ZHX2: variants seen among roughly 807,000 people sequenced by gnomAD.
ZHX2 encodes the protein zinc fingers and homeoboxes protein 2.
Under a neutral mutation model 21.9 loss-of-function variants are expected in ZHX2, and 6 were observed. The ratio of observed to expected loss-of-function variants is 0.27; its 90% CI spans 0.15 to 0.54. The LOEUF (loss-of-function observed/expected upper bound fraction) is 0.54. Ranked by LOEUF, ZHX2 falls within the 20% of genes least tolerant of loss-of-function variation. The probability of loss-of-function intolerance (pLI) is 0.95; values close to 1 mark genes in which losing one functional copy is unlikely to be tolerated. For missense variants in ZHX2, 908 were observed against 1,090.7 expected (o/e 0.83, Z 2.36); for synonymous variants, 434 against 437.1 (o/e 0.99, Z 0.09).
intron 1 of ZHX2, 29 bp from the exon 2 acceptor site, chr8:122,863,448 T>G (rs1305541098): frequency 6.5e-6 from 1 of 152,694 alleles, no homozygotes; most frequent in African/African-American, 2.4e-5. Context: ...TCTGCCCTGC[T>G]TTTGATACTG....
intron 2 of ZHX2, among the ~76,000 whole-genome samples, chr8:122,908,621 C>T (rs1274150218): frequency 2.0e-5 from 3 of 152,098 alleles, no homozygotes; most frequent in Admixed American, 2.0e-4. Flanking sequence ...CTTGTTATCA[C>T]TGTCTCCCCT....
chr8:122,884,993 G>T (rs1819806151), intron 2 of ZHX2, among the ~76,000 whole-genome samples: 1 of 152,216 alleles, frequency 6.6e-6, no homozygotes, highest in African/African-American at 2.4e-5. Context: ...CTGGGTCAGT[G>T]TAAAAAGATG....
chr8:122,923,221 G>A (rs1238851322), intron 2 of ZHX2, among the ~76,000 whole-genome samples: 1 of 152,236 alleles, frequency 6.6e-6, no homozygotes, highest in African/African-American at 2.4e-5. Flanking sequence ...TCACAGTTCT[G>A]TGAGTGAGAA....
chr8:122,800,828 A>G (rs2130570809), intron 1 of ZHX2, among the ~76,000 whole-genome samples: 1 of 152,352 alleles, frequency 6.6e-6, no homozygotes, highest in East Asian at 1.9e-4. Flanking sequence ...TCCTCTTTCA[A>G]AACCATGTGG....
chr8:122,799,368 C>T (rs1016811976), intron 1 of ZHX2, among the ~76,000 whole-genome samples: 1 of 151,760 alleles, frequency 6.6e-6, no homozygotes, highest in South Asian at 2.1e-4. Flanking sequence ...CCTGGGCTAA[C>T]ACCCTTTGTT....
intron 1 of ZHX2, among the ~76,000 whole-genome samples, chr8:122,815,244 A>G (rs533346449): frequency 3.3e-5 from 5 of 152,372 alleles, no homozygotes; most frequent in Non-Finnish European, 5.9e-5. Context: ...GTTAGGTACA[A>G]TAGGCACAGT....
At chr8:122,922,203 C>T (rs536946008) in intron 2 of ZHX2, among the ~76,000 whole-genome samples, 9 of 150,572 alleles carry the variant, frequency 6.0e-5, no homozygotes, top group Admixed American at 6.6e-5. Context: ...TCTTAGACTT[C>T]TCCCAGCAAA....
At chr8:122,875,762 G>C (rs1385075350) in intron 2 of ZHX2, among the ~76,000 whole-genome samples, 2 of 152,244 alleles carry the variant, frequency 1.3e-5, no homozygotes, top group African/African-American at 4.8e-5. Context: ...AGTGAGATGG[G>C]ACAGAACCAG....
intron 1 of ZHX2, among the ~76,000 whole-genome samples, chr8:122,857,055 C>T (rs999890794): frequency 1.3e-5 from 2 of 152,170 alleles, no homozygotes; most frequent in African/African-American, 4.8e-5. Flanking sequence ...ACATGCCCTT[C>T]GCCGCTCATT....
intron 1 of ZHX2, among the ~76,000 whole-genome samples, chr8:122,788,031 T>G (rs1384639440): frequency 6.6e-6 from 1 of 152,106 alleles, no homozygotes; most frequent in African/African-American, 2.4e-5. Flanking sequence ...TCACTCTGGC[T>G]GGTGAAACTG....
At chr8:122,962,390 C>T (rs1276980870) in intron 3 of ZHX2, among the ~76,000 whole-genome samples, 2 of 152,206 alleles carry the variant, frequency 1.3e-5, no homozygotes. Context: ...GTTTTCCATT[C>T]CTGAGTTACT....
intron 1 of ZHX2, among the ~76,000 whole-genome samples, chr8:122,827,193 G>T (rs1311632948): frequency 6.6e-6 from 1 of 151,804 alleles, no homozygotes; most frequent in Admixed American, 6.6e-5. Context: ...CTAATTTTGG[G>T]GATTTATTTG....
chr8:122,873,651 A>G (rs1351590856), intron 2 of ZHX2, among the ~76,000 whole-genome samples: 2 of 152,198 alleles, frequency 1.3e-5, no homozygotes, highest in Non-Finnish European at 2.9e-5. Context: ...TGGCTGCTAT[A>G]ACATATTCCC....
intron 3 of ZHX2, among the ~76,000 whole-genome samples, chr8:122,955,073 G>A (rs1232958041): frequency 7.0e-6 from 1 of 142,790 alleles, no homozygotes; most frequent in African/African-American, 2.6e-5. Context: ...ATAAGCCGGG[G>A]GGGGGGGGGT....
At chr8:122,827,361 C>G (rs144813037) in intron 1 of ZHX2, among the ~76,000 whole-genome samples, 15 of 151,896 alleles carry the variant, frequency 9.9e-5, no homozygotes, top group Non-Finnish European at 1.5e-4. Flanking sequence ...TTTTAACTAC[C>G]GAGGATTGTT....
chr8:122,919,528 G>A (rs953207806), intron 2 of ZHX2, among the ~76,000 whole-genome samples: 3 of 152,216 alleles, frequency 2.0e-5, no homozygotes, highest in Admixed American at 2.0e-4. Flanking sequence ...CAGCACAAAT[G>A]TGTGATGGTA....
intron 1 of ZHX2, among the ~76,000 whole-genome samples, chr8:122,824,645 A>G (rs1418949167): frequency 6.6e-6 from 1 of 152,224 alleles, no homozygotes; most frequent in East Asian, 1.9e-4. Flanking sequence ...TGGTACCAAT[A>G]TAGGGCCGGT....
intron 1 of ZHX2, among the ~76,000 whole-genome samples, chr8:122,792,343 A>C (rs1251540776): frequency 1.3e-5 from 2 of 152,128 alleles, no homozygotes; most frequent in Non-Finnish European, 2.9e-5. Flanking sequence ...TGTTGTGTGG[A>C]TATACCACAT....
At chr8:122,940,498 G>C (rs937788350) in intron 2 of ZHX2, among the ~76,000 whole-genome samples, 18 of 152,218 alleles carry the variant, frequency 1.2e-4, no homozygotes, top group African/African-American at 4.3e-4. Flanking sequence ...AGGGCCCCGT[G>C]TCACCCAAAT....
Sources: allele counts gnomAD v4.1 joint callset (sites outside exome capture counted in the v4.1 genomes callset), GRCh38; gene constraint gnomAD v4.1.1; transcripts MANE v1.5; gene names NCBI Gene and HGNC (gene_info 2026-07-23, HGNC 2026-07-21).